Variants in BAZ2B observed in about 807,000 individuals in gnomAD.
The protein encoded by BAZ2B is bromodomain adjacent to zinc finger domain protein 2B.
A neutral mutation model predicts 246.0 loss-of-function variants in BAZ2B; 91 were observed. The ratio of observed to expected loss-of-function variants is 0.37; its 90% CI spans 0.31 to 0.44. The LOEUF (loss-of-function observed/expected upper bound fraction) is 0.44. BAZ2B is among the 20% of genes least tolerant of loss of function. The pLI is 1.00. For synonymous variants in BAZ2B, 855 were observed against 860.0 expected (o/e 0.99, Z 0.10); for missense variants, 2,332 against 2,533.7 (o/e 0.92, Z 1.71).
chr2:159,526,168 A>C (rs2151291480), intron 2 of BAZ2B, among the ~76,000 whole-genome samples: 1 of 152,326 alleles, frequency 6.6e-6, no homozygotes, highest in African/African-American at 2.4e-5. Flanking sequence ...TTGTAGAAGT[A>C]AAATTTATTG....
chr2:159,458,446 C>A (rs1168377213), intron 3 of BAZ2B: 4 of 152,532 alleles, frequency 2.6e-5, no homozygotes, highest in Non-Finnish European at 5.9e-5. Flanking sequence ...CTGCCTCAGC[C>A]TCCCAAGTAG....
At chr2:159,460,680 A>G (rs1443463984) in intron 3 of BAZ2B, 2 of 152,124 alleles carry the variant, frequency 1.3e-5, no homozygotes, top group African/African-American at 4.8e-5. Context: ...GTGTAATAGC[A>G]AAAAGAACAT....
At chr2:159,413,054 C>T (rs2067073871) in intron 13 of BAZ2B, among the ~76,000 whole-genome samples, 1 of 152,062 alleles carries the variant, frequency 6.6e-6, no homozygotes, top group African/African-American at 2.4e-5. Context: ...AAGAATTGAA[C>T]TTGAATGGTT....
intron 2 of BAZ2B, among the ~76,000 whole-genome samples, chr2:159,499,359 T>C (rs2081473928): frequency 6.6e-6 from 1 of 152,196 alleles, no homozygotes; most frequent in Non-Finnish European, 1.5e-5. Context: ...CATGATCTCA[T>C]TCCTTTTATG....
chr2:159,645,253 C>T, the BAZ2B span, among the ~76,000 whole-genome samples: 1 of 150,498 alleles, frequency 6.6e-6, no homozygotes, highest in Admixed American at 6.7e-5. Context: ...GGCTGGGCGA[C>T]AGAAAGAGCC....
chr2:159,438,643 TCAG>T lies in BAZ2B; in HGVS notation c.950_952del (p.Thr317_Glu318delinsLys), dbSNP rs765907537. The T allele has an allele frequency of 6.2e-7, 1 of 1,613,378 alleles. No homozygotes were observed. The highest frequency in any genetic ancestry group is 8.5e-7 in the Non-Finnish European group (1 of 1,179,874). ...GTGTATTCTTTTTTCCTGGGCTTTT[TCAG>T]TTGCTTTCTGTCCATCTGCTTTTGG... On this transcript the variant is annotated inframe_deletion, in exon 8 of 37. Coordinates refer to ENST00000392783, the MANE Select transcript of BAZ2B (RefSeq NM_013450.4).
chr2:159,611,706 T>A (rs1011699216), intron 1 of BAZ2B, among the ~76,000 whole-genome samples: 1 of 151,994 alleles, frequency 6.6e-6, no homozygotes, highest in Admixed American at 6.5e-5. Flanking sequence ...GAAGAATTAT[T>A]TAAATGCCTA....
At chr2:159,624,909 C>T in the BAZ2B span, among the ~76,000 whole-genome samples, 6 of 151,900 alleles carry the variant, frequency 3.9e-5, no homozygotes, top group African/African-American at 1.5e-4. Flanking sequence ...TGTTCTAACC[C>T]AATGCAAGGA....
At position 159,385,162 on chromosome 2, in the gene BAZ2B, CA is replaced by C. The variant is rs2062483151; in HGVS notation, c.3678del (p.Ser1226ArgfsTer16). 1 of 1,612,216 alleles carries C rather than the reference CA, an allele frequency of 6.2e-7. No individual in the cohort carries two copies. The highest frequency in any genetic ancestry group is 8.5e-7 in the Non-Finnish European group (1 of 1,178,560). On this transcript the variant is annotated frameshift_variant, in exon 23 of 37. Coordinates refer to ENST00000392783, the MANE Select transcript of BAZ2B (RefSeq NM_013450.4). LOFTEE classifies it high-confidence loss of function. The stretch of plus-strand genomic sequence containing the variant: ...GCCTGGGCATATGCTCACCTGACCA[CA>C]CTCTTGCTGCATGCCAGTTCATTGA... The part of the protein sequence containing the change: ...FLINELACSK[S>X]VVSEIDKNID...
chr2:159,518,612 T>G (rs2083699653), intron 2 of BAZ2B, among the ~76,000 whole-genome samples: 1 of 152,218 alleles, frequency 6.6e-6, no homozygotes, highest in African/African-American at 2.4e-5. Context: ...TAAATAGGTG[T>G]TACATAATTA....
intron 2 of BAZ2B, among the ~76,000 whole-genome samples, chr2:159,484,612 C>A (rs899832215): frequency 2.6e-5 from 4 of 152,188 alleles, no homozygotes; most frequent in Admixed American, 1.3e-4. Flanking sequence ...ATTCAATGAT[C>A]AGTTGTTAAT....
chr2:159,585,804 T>C (rs2113860), intron 1 of BAZ2B, among the ~76,000 whole-genome samples: 140,636 of 152,356 alleles, frequency 0.92, 65,416 homozygotes, highest in East Asian at 1. Flanking sequence ...TGCTAAATGG[T>C]GCCAGCCAGA....
chr2:159,655,477 A>G, the BAZ2B span, among the ~76,000 whole-genome samples: 1 of 152,116 alleles, frequency 6.6e-6, no homozygotes, highest in African/African-American at 2.4e-5. Context: ...CACTTTCACG[A>G]TAATGTTTCC....
rs372172122 is a variant in BAZ2B at position 159,348,726 on chromosome 2, G to C, written c.5245C>G (p.Gln1749Glu). The C allele has an allele frequency of 1.7e-5, 28 of 1,612,452 alleles. No homozygotes were observed. The highest frequency in any genetic ancestry group is 1.6e-4 in the Middle Eastern group (1 of 6,062). Residue 1749 changes from glutamine to glutamate, a missense_variant, in exon 30 of 37, where the codon CAG (glutamine) becomes GAG (glutamate). Coordinates refer to ENST00000392783, the MANE Select transcript of BAZ2B (RefSeq NM_013450.4). ...TGAGTAATATAATCCAAATGTTTCT[G>C]AATTTGTTTTTGTAATGCCTTTTCT... Reference protein sequence around the residue: ...IREKALQKQIQKHLDYITQAC... With the variant: ...IREKALQKQIEKHLDYITQAC...
intron 2 of BAZ2B, among the ~76,000 whole-genome samples, chr2:159,489,012 C>T (rs925221676): frequency 2.6e-5 from 4 of 152,142 alleles, no homozygotes; most frequent in African/African-American, 7.2e-5. Flanking sequence ...GTGTTACTGG[C>T]CTATTCACTA....
chr2:159,337,403 A>G, intron 32 of BAZ2B, 164 bp downstream of exon 32: 1 of 1,449,726 alleles, frequency 6.9e-7, no homozygotes, highest in Non-Finnish European at 9.3e-7. Flanking sequence ...GGCAATAGAA[A>G]ATAGGCTCCA....
chr2:159,648,080 A>C, the BAZ2B span, among the ~76,000 whole-genome samples: 1 of 152,108 alleles, frequency 6.6e-6, no homozygotes, highest in Non-Finnish European at 1.5e-5. Context: ...GATTATGGAT[A>C]TATCCTTTAC....
intron 1 of BAZ2B, among the ~76,000 whole-genome samples, chr2:159,582,602 C>T (rs1687099053): frequency 6.6e-6 from 1 of 152,004 alleles, no homozygotes; most frequent in South Asian, 2.1e-4. Context: ...CCAGGCTGGT[C>T]TTGAACTCCT....
At chr2:159,445,931 T>C (rs1422841970) in intron 6 of BAZ2B, among the ~76,000 whole-genome samples, 2 of 152,104 alleles carry the variant, frequency 1.3e-5, no homozygotes, top group African/African-American at 4.8e-5. Context: ...CTTGGCAACA[T>C]AGTGAGATCC....
Sources: gnomAD v4.1 joint callset for allele counts (sites outside exome capture counted in the v4.1 genomes callset) on GRCh38, gnomAD v4.1.1 for gene constraint, MANE v1.5 for transcripts, NCBI Gene and HGNC (gene_info 2026-07-23, HGNC 2026-07-21) for gene names.